Variants in RNF212B observed in about 807,000 individuals in gnomAD.
The protein encoded by RNF212B is E3 ubiquitin-protein ligase RNF212B.
A neutral mutation model predicts 55.5 loss-of-function variants in RNF212B; 52 were observed. The observed-to-expected ratio is 0.94, with a 90% CI of 0.75 to 1.18. The LOEUF is 1.18. Ranked by LOEUF, RNF212B falls within the 50% of genes most tolerant of loss-of-function variation. The pLI is 0.00. For synonymous variants in RNF212B, 99 were observed against 121.4 expected (o/e 0.82, Z 1.21); for missense variants, 289 against 350.4 (o/e 0.82, Z 1.40).
intron 1 of RNF212B, among the ~76,000 whole-genome samples, chr14:23,190,264 T>A (rs1204309175): frequency 6.6e-6 from 1 of 152,140 alleles, no homozygotes; most frequent in Non-Finnish European, 1.5e-5. Flanking sequence ...ATAGATCCAG[T>A]CCTAATCTCT....
chr14:23,217,917 AC>A (rs1881241639), intron 2 of RNF212B, among the ~76,000 whole-genome samples: 1 of 152,196 alleles, frequency 6.6e-6, no homozygotes, highest in Non-Finnish European at 1.5e-5. Context: ...TACTGGAGAA[AC>A]AGGGATATAT....
chr14:23,229,588 T>G lies in RNF212B; in HGVS notation c.-1-10757T>G, dbSNP rs141248043. On this transcript the variant is annotated intron_variant, in intron 2 of 15. Coordinates refer to the RNF212B transcript ENST00000399910. Reference sequence around the variant, plus strand: ...AAAATTCTAGCCACCCCACCACATGTGAAATGATATTTCACTGTGGTTTTA... The same window carrying G: ...AAAATTCTAGCCACCCCACCACATGGGAAATGATATTTCACTGTGGTTTTA... 7.6e-4 allele frequency among the ~76,000 whole-genome samples: 115 copies of G among 152,190 alleles called. 1 individual carries two copies. The Middle Eastern group carries it at 0.014, about 18-fold the overall frequency.
At chr14:23,196,068 A>G (rs1878634487) in intron 2 of RNF212B, among the ~76,000 whole-genome samples, 1 of 152,126 alleles carries the variant, frequency 6.6e-6, no homozygotes, top group Non-Finnish European at 1.5e-5. Context: ...GCTTACTACC[A>G]CTTGGTCACA....
At chr14:23,197,927 G>T (rs1422536079) in intron 2 of RNF212B, among the ~76,000 whole-genome samples, 1 of 152,210 alleles carries the variant, frequency 6.6e-6, no homozygotes, top group Non-Finnish European at 1.5e-5. Flanking sequence ...AAAGGGGGTT[G>T]TTCTCTGGTG....
chr14:23,231,182 G>T (rs1231703681), intron 2 of RNF212B, among the ~76,000 whole-genome samples: 1 of 152,148 alleles, frequency 6.6e-6, no homozygotes, highest in African/African-American at 2.4e-5. Context: ...GGATGACATT[G>T]AATCCGTATA....
At chr14:23,195,492 A>G (rs931578349) in intron 2 of RNF212B, among the ~76,000 whole-genome samples, 1 of 152,088 alleles carries the variant, frequency 6.6e-6, no homozygotes, top group African/African-American at 2.4e-5. Flanking sequence ...CTGCTCTGGA[A>G]CCAATTGTTT....
chr14:23,222,450 C>T (rs951448280), intron 2 of RNF212B, among the ~76,000 whole-genome samples: 1 of 151,938 alleles, frequency 6.6e-6, no homozygotes, highest in Non-Finnish European at 1.5e-5. Flanking sequence ...AAACCAAAAC[C>T]TAAACAGAAA....
intron 4 of RNF212B, among the ~76,000 whole-genome samples, chr14:23,248,605 C>G (rs1884179017): frequency 6.6e-6 from 1 of 151,860 alleles, no homozygotes; most frequent in African/African-American, 2.4e-5. Context: ...CCACACCTGG[C>G]TAATTTTTGT....
intron 2 of RNF212B, among the ~76,000 whole-genome samples, chr14:23,216,878 T>G (rs12893027): frequency 0.69 from 61,834 of 90,128 alleles, 18,966 homozygotes; most frequent in South Asian, 0.74. Context: ...TGACCCTGTC[T>G]CAAAAAAAAA....
chr14:23,233,960 G>T (rs1882922501), upstream of RNF212B, among the ~76,000 whole-genome samples: 2 of 152,066 alleles, frequency 1.3e-5, no homozygotes, highest in South Asian at 4.1e-4. Flanking sequence ...AGCCAGGCCT[G>T]GTGGTGTGTG....
intron 1 of RNF212B, among the ~76,000 whole-genome samples, chr14:23,187,536 G>C (rs1877716955): frequency 6.6e-6 from 1 of 152,158 alleles, no homozygotes; most frequent in Non-Finnish European, 1.5e-5. Context: ...TCAGAGACAA[G>C]TTAGACGTGT....
chr14:23,241,328 G>A (rs1384120265), intron 2 of RNF212B, among the ~76,000 whole-genome samples: 1 of 152,142 alleles, frequency 6.6e-6, no homozygotes, highest in African/African-American at 2.4e-5. Flanking sequence ...GAGAGATGAG[G>A]CTAGTGAAGT....
chr14:23,209,290 C>A (rs559450686), intron 2 of RNF212B, among the ~76,000 whole-genome samples: 1 of 150,952 alleles, frequency 6.6e-6, no homozygotes, highest in Non-Finnish European at 1.5e-5. Flanking sequence ...GTTTTACCAG[C>A]AAGGTCTTTA....
At chr14:23,218,375 A>AAAT (rs1555312506) in intron 2 of RNF212B, among the ~76,000 whole-genome samples, 4 of 150,868 alleles carry the variant, frequency 2.7e-5, no homozygotes, top group Non-Finnish European at 4.4e-5. Context: ...CTCAAAAAAA[A>AAAT]AAATAAATAA....
intron 14 of RNF212B, among the ~76,000 whole-genome samples, chr14:23,272,253 TA>T (rs1249935721): frequency 6.6e-6 from 1 of 151,856 alleles, no homozygotes; most frequent in African/African-American, 2.4e-5. Context: ...CCGTCTATAC[TA>T]AAAAAAGTAC....
intron 2 of RNF212B, among the ~76,000 whole-genome samples, chr14:23,225,530 T>C (rs926661914): frequency 6.6e-6 from 1 of 152,172 alleles, no homozygotes; most frequent in Non-Finnish European, 1.5e-5. Flanking sequence ...CTGGAGGTCA[T>C]TATGTTAAGT....
At chr14:23,264,954 T>C (rs1173549779) in intron 11 of RNF212B, among the ~76,000 whole-genome samples, 1 of 152,194 alleles carries the variant, frequency 6.6e-6, no homozygotes, top group East Asian at 1.9e-4. Context: ...CCCGAGTAGC[T>C]AGGATTACAG....
intron 12 of RNF212B, among the ~76,000 whole-genome samples, 200 bp from the exon 13 acceptor site, chr14:23,269,663 G>GAGC (rs1249417636): frequency 6.6e-6 from 1 of 151,110 alleles, no homozygotes; most frequent in Non-Finnish European, 1.5e-5. Context: ...AGTGAGCCAT[G>GAGC]ATCATACTAC....
intron 2 of RNF212B, among the ~76,000 whole-genome samples, chr14:23,217,045 G>T (rs904516046): frequency 1.3e-5 from 2 of 152,104 alleles, no homozygotes; most frequent in African/African-American, 2.4e-5. Flanking sequence ...CAACAAGAAG[G>T]TTCCCGGGGT....
Sources: allele counts gnomAD v4.1 joint callset (sites outside exome capture counted in the v4.1 genomes callset), GRCh38; gene constraint gnomAD v4.1.1; transcripts MANE v1.5; gene names NCBI Gene and HGNC (gene_info 2026-07-23, HGNC 2026-07-21).